The following CETP variants were observed in gnomAD, a reference collection of about 807,000 sequenced individuals.
CETP encodes cholesteryl ester transfer protein.
In CETP, 56 loss-of-function variants were observed where a neutral mutation model predicts 66.5. The ratio of observed to expected loss-of-function variants is 0.84; its 90% confidence interval spans 0.68 to 1.05. The LOEUF (loss-of-function observed/expected upper bound fraction) is 1.05. Among genes scored for constraint, CETP ranks in the 50% least tolerant of loss-of-function variants. The pLI is 0.00. For missense variants in CETP, 612 were observed against 609.6 expected (o/e 1.00, Z -0.04); for synonymous variants, 251 against 245.7 (o/e 1.02, Z -0.20).
chr16:56,983,516 C>T (rs2056203608), intron 15 of CETP, 76 bp from the exon 16 acceptor site: 1 of 1,596,030 alleles, frequency 6.3e-7, no homozygotes, highest in Non-Finnish European at 8.6e-7. Flanking sequence ...AGAGGGGCCT[C>T]TACCAGCTTG....
rs12720871 is a variant in CETP at position 56,971,852 on chromosome 16, C to G, written c.659-140C>G. ...AGAGAGAATGAAAAAGTGCCACACC[C>G]CTCCCCGCACACCCAGGTCCCACTT... On this transcript the variant is annotated intron_variant, in intron 7 of 15. Transcript: ENST00000200676. The G allele has an allele frequency of 6.0e-3, 4,538 of 759,828 alleles. 155 individuals carry two copies. In the African/African-American group the frequency reaches 0.068, roughly 11 times the overall value. The allele number at this position is 759,828 out of a possible 1,614,324, so 47.1% of individuals were successfully genotyped here. A position where few individuals can be genotyped will look rare whatever the true frequency, so the allele number is the denominator to read the frequency against.
intron 10 of CETP, among the ~76,000 whole-genome samples, chr16:56,976,475 C>CTTT (rs566143469): frequency 7.0e-6 from 1 of 143,682 alleles, no homozygotes; most frequent in Admixed American, 7.0e-5. Flanking sequence ...TCTTTTCTTT[C>CTTT]TTTTTTTTTT....
At chr16:56,979,329 T>C (rs2056171792) in intron 11 of CETP, among the ~76,000 whole-genome samples, 1 of 152,170 alleles carries the variant, frequency 6.6e-6, no homozygotes, top group Non-Finnish European at 1.5e-5. Flanking sequence ...TCTCCTCAAA[T>C]GCCTCAATTG....
In CETP at chr16:56,983,512, G is replaced by A; in HGVS notation, c.1408-80G>A. 1.9e-6 allele frequency: 3 copies of A among 1,589,844 alleles called. No homozygotes were observed. The South Asian group carries it at 3.3e-5, about 18-fold the overall frequency. ...GGCTGTTGGGGAGACAGACAGAGGG[G>A]CCTCTACCAGCTTGGCTCCCTCCTG... On this transcript the variant is annotated intron_variant, in intron 15 of 15. Coordinates refer to ENST00000200676, the MANE Select transcript of CETP (RefSeq NM_000078.3).
chr16:56,962,188 A>G, intron 1 of CETP, 91 bp downstream of exon 1: 1 of 1,102,950 alleles, frequency 9.1e-7, no homozygotes, highest in Non-Finnish European at 1.4e-6. Flanking sequence ...GCCAGCCCTG[A>G]AGCCGGCTGC....
chr16:56,966,142 GAA>G (rs2056064441), intron 2 of CETP, among the ~76,000 whole-genome samples: 1 of 152,188 alleles, frequency 6.6e-6, no homozygotes, highest in Non-Finnish European at 1.5e-5. Flanking sequence ...TAAAAGGCTA[GAA>G]GTCCACCATG....
At chr16:56,971,266 G>T (rs769662260) in intron 6 of CETP, 55 bp from the exon 7 acceptor site, 1 of 1,592,700 alleles carries the variant, frequency 6.3e-7, no homozygotes. Context: ...CTGGAAGGAG[G>T]CACTGCCTCT....
chr16:56,979,844 G>A (rs1234025049), intron 11 of CETP, among the ~76,000 whole-genome samples: 3 of 152,140 alleles, frequency 2.0e-5, no homozygotes, highest in African/African-American at 2.4e-5. Flanking sequence ...AGACAAGAGC[G>A]ATACAATCAC....
intron 11 of CETP, among the ~76,000 whole-genome samples, 173 bp from the exon 12 acceptor site, chr16:56,980,985 G>A (rs1447796330): frequency 6.6e-6 from 1 of 152,228 alleles, no homozygotes; most frequent in Non-Finnish European, 1.5e-5. Context: ...CAAAGCCACA[G>A]GTGCTGGGGA....
intron 8 of CETP, among the ~76,000 whole-genome samples, chr16:56,972,717 G>A (rs950902345): frequency 1.3e-5 from 2 of 152,182 alleles, no homozygotes; most frequent in African/African-American, 4.8e-5. Flanking sequence ...GGGAAACTGA[G>A]GAATTTATTT....
chr16:56,976,471 C>T (rs1485258551), intron 10 of CETP, among the ~76,000 whole-genome samples: 3 of 150,892 alleles, frequency 2.0e-5, no homozygotes, highest in Non-Finnish European at 4.4e-5. Flanking sequence ...CTTTTCTTTT[C>T]TTTCTTTTTT....
intron 2 of CETP, among the ~76,000 whole-genome samples, chr16:56,965,498 G>A (rs967207798): frequency 9.2e-5 from 14 of 152,188 alleles, no homozygotes; most frequent in South Asian, 2.1e-4. Flanking sequence ...GGAGTGGGAT[G>A]GACCCAGGAT....
intron 1 of CETP, chr16:56,962,478 T>G: frequency 2.2e-6 from 1 of 457,746 alleles, no homozygotes; most frequent in Non-Finnish European, 4.3e-6. Flanking sequence ...ATGGCCAAAG[T>G]CAGGGGTTGC....
rs564885502 is a variant in CETP, at chr16:56,969,939, C to T, written c.465C>T (p.Thr155=). The part of the protein sequence containing the change: ...QLTCDSGRVR[T]DAPDCYLSFH... ...CCTGTGACTCTGGTAGAGTGCGGAC[C>T]GATGCCCCTGACTGCTACCTGTCTT... Residue 155 remains threonine, a synonymous_variant, in exon 5 of 16, where the codon ACC becomes ACT. Coordinates refer to ENST00000200676, the MANE Select transcript of CETP (RefSeq NM_000078.3). The T allele has an allele frequency of 6.2e-6, 10 of 1,614,128 alleles. No individual in the cohort carries two copies. The highest frequency in any genetic ancestry group is 1.7e-5 in the Admixed American group (1 of 60,020).
chr16:56,968,206 G>T (rs72771478), intron 2 of CETP, among the ~76,000 whole-genome samples: 1,796 of 150,768 alleles, frequency 0.012, 28 homozygotes, highest in Non-Finnish European at 0.019. Context: ...TTTTTTTTTG[G>T]CGACAGTCTT....
At chr16:56,967,616 C>G (rs2056076910) in intron 2 of CETP, among the ~76,000 whole-genome samples, 1 of 149,302 alleles carries the variant, frequency 6.7e-6, no homozygotes, top group South Asian at 2.1e-4. Context: ...GATCGTGCCA[C>G]TGCACTCCAG....
At chr16:56,980,851 C>T (rs1034414808) in intron 11 of CETP, among the ~76,000 whole-genome samples, 5 of 152,082 alleles carry the variant, frequency 3.3e-5, no homozygotes, top group African/African-American at 1.2e-4. Flanking sequence ...GAACCTGGGA[C>T]GTGGAGGTTG....
Position 56,978,094 on chromosome 16 carries a change from G to T in CETP, c.985G>T (p.Val329Phe). ...NTNQEIFQEV[V>F]GGFPSQAQVT... ...ATGGGACCCCTGTCTTCCACAGGTTGTCGGCGGCTTCCCCAGCCAGGCCCA... is the reference window on the plus strand; with the variant it reads ...ATGGGACCCCTGTCTTCCACAGGTTTTCGGCGGCTTCCCCAGCCAGGCCCA... The change falls in exon 11 of 16, where the codon GTC becomes TTC. Residue 329 changes from valine (V) to phenylalanine (F), a missense_variant. Coordinates refer to ENST00000200676, the MANE Select transcript of CETP (RefSeq NM_000078.3). The T allele has an allele frequency of 6.2e-7, 1 of 1,614,118 alleles. No homozygotes were observed. The highest frequency in any genetic ancestry group is 8.5e-7 in the Non-Finnish European group (1 of 1,179,978).
At position 56,981,629 on chromosome 16, in the gene CETP, A is replaced by T; in HGVS notation, c.1215-18A>T. 1 of 1,613,866 alleles carries T rather than the reference A, an allele frequency of 6.2e-7. No homozygotes were observed. Among genetic ancestry groups the T allele is most frequent in the South Asian group, 1.1e-5 (1 of 91,068 alleles). On this transcript the variant is annotated intron_variant, in intron 12 of 15. Transcript: ENST00000200676. ...GGGCCCAATGGAGGGTCAAATTATCATCGCTTTTTTATTTCAGGATTACAC... is the reference window on the plus strand; with the variant it reads ...GGGCCCAATGGAGGGTCAAATTATCTTCGCTTTTTTATTTCAGGATTACAC...
Sources: allele counts gnomAD v4.1 joint callset (sites outside exome capture counted in the v4.1 genomes callset), GRCh38; gene constraint gnomAD v4.1.1; transcripts MANE v1.5; gene names NCBI Gene and HGNC (gene_info 2026-07-23, HGNC 2026-07-21).